FAM9A: variants seen among roughly 807,000 people sequenced by gnomAD.
The protein encoded by FAM9A is family with sequence similarity 9 member A.
Under a neutral mutation model 25.0 loss-of-function variants are expected in FAM9A, and 49 were observed. That is an observed-to-expected ratio of 1.96 (90% CI 1.56 to 2.48). The LOEUF is 2.48. FAM9A is among the 30% of genes most tolerant of loss of function. The pLI, the probability that FAM9A is intolerant of heterozygous loss-of-function variation, is 0.00. For synonymous variants in FAM9A, 80 were observed against 85.1 expected, an observed-to-expected ratio of 0.94 and a Z score of 0.33; for missense variants, 266 against 249.3, an observed-to-expected ratio of 1.07 and a Z score of -0.45.
At chrX:8,797,897 C>T (rs1379165800) in intron 5 of FAM9A, among the ~76,000 whole-genome samples, 1 of 111,955 alleles carries the variant, frequency 8.9e-6, no homozygotes, top group African/African-American at 3.2e-5. Flanking sequence ...ATTAAATTTC[C>T]ATGTGTATGA....
chrX:8,799,024 C>G lies in FAM9A; in HGVS notation c.162G>C (p.Lys54Asn). ...MEPVGRKRSR[K>N]AAKAQLEAQV... ...GAGCTTCCAACTGAGCTTTGGCAGC[C>G]TTCCTGCTGCGCTTCCTGCCCACGG... Residue 54 changes from lysine to asparagine, a missense_variant, in exon 3 of 10, where the codon AAG becomes AAC. By Grantham distance (94) the Lys-to-Asn change is moderately conservative. Coordinates refer to ENST00000381003, the MANE Select transcript of FAM9A (RefSeq NM_174951.3). 3.3e-6 allele frequency: 4 copies of G among 1,212,594 alleles called. No individual in the cohort carries two copies. Among genetic ancestry groups the G allele is most frequent in the Non-Finnish European group, 4.5e-6 (4 of 895,679 alleles).
At position 8,800,163 on chromosome X, in the gene FAM9A, G is replaced by T. The variant is rs770722877; in HGVS notation, c.9C>A (p.Pro3=). ME[P]VGRKRSRKAA... is the part of the protein sequence containing the mutation. ...CCTTCCTGCTGCGCTTCCTGCCCAC[G>T]GGCTCCATGGTTGGCTGTCCTGGGA... The change falls in exon 2 of 10, where the codon CCC becomes CCA. Residue 3 remains proline, a synonymous_variant. Transcript: ENST00000381003. 140 of 1,205,916 alleles carry T rather than the reference G, an allele frequency of 1.2e-4. No individual in the cohort carries two copies. Among genetic ancestry groups the T allele is most frequent in the Non-Finnish European group, 1.3e-4 (120 of 893,245 alleles).
In FAM9A at chrX:8,799,097, G is replaced by T. The variant is rs747588079; in HGVS notation, c.92-3C>A. 1 of 1,203,944 alleles carries T rather than the reference G, an allele frequency of 8.3e-7. No individual in the cohort carries two copies. Among genetic ancestry groups the T allele is most frequent in the South Asian group, 1.8e-5 (1 of 56,091 alleles). On this transcript the variant is annotated splice_polypyrimidine_tract_variant and splice_region_variant and intron_variant, in intron 2 of 9. Coordinates refer to ENST00000381003, the MANE Select transcript of FAM9A (RefSeq NM_174951.3). ...GAAGTTAGAGGCGATCCCTGAACCT[G>T]GTTGAGTGCAAAGTCAAACTAAGTA...
intron 5 of FAM9A, among the ~76,000 whole-genome samples, chrX:8,797,812 A>G (rs1250734015): frequency 9.0e-6 from 1 of 111,488 alleles, no homozygotes; most frequent in Admixed American, 9.6e-5. Context: ...CCTGATATAT[A>G]TACTTAATCT....
chrX:8,794,333 G>A (rs1933501688), intron 7 of FAM9A, among the ~76,000 whole-genome samples: 1 of 111,563 alleles, frequency 9.0e-6, no homozygotes, highest in African/African-American at 3.3e-5. Context: ...GCAATCATGG[G>A]TCAGATCACA....
chrX:8,797,978 G>T (rs144946028), intron 5 of FAM9A, among the ~76,000 whole-genome samples, 172 bp downstream of exon 5: 54 of 111,425 alleles, frequency 4.8e-4, no homozygotes, highest in African/African-American at 1.6e-3. Flanking sequence ...AATCCAAAAG[G>T]TAAGTATGAA....
chrX:8,794,495 G>A (rs1257370530), intron 7 of FAM9A, among the ~76,000 whole-genome samples: 3 of 111,303 alleles, frequency 2.7e-5, no homozygotes, highest in African/African-American at 9.8e-5. Context: ...GCTAGCAATC[G>A]TCAAGCTGGA....
chrX:8,791,167 CAAAAG>C lies in FAM9A; in HGVS notation c.*32_*36del. The C allele has an allele frequency of 2.1e-6, 1 of 477,577 alleles. No homozygotes were observed. Among genetic ancestry groups the C allele is most frequent in the Non-Finnish European group, 3.4e-6 (1 of 295,532 alleles). The allele number at this position is 477,577 out of a possible 1,213,427, so 39.4% of individuals were successfully genotyped here. ...AGAGACAATGAAGTGCCAACTCTTC[CAAAAG>C]CTGTTTCAAAAAAAAATTTAAGTAA... On this transcript the variant is annotated splice_region_variant and 3_prime_UTR_variant, in exon 10 of 10. Coordinates refer to ENST00000381003, the MANE Select transcript of FAM9A (RefSeq NM_174951.3).
rs148243105 is a variant in FAM9A, at chrX:8,798,900, C to A, written c.220+66G>T. 6,593 of 1,200,822 alleles carry A rather than the reference C, an allele frequency of 5.5e-3. 237 individuals are homozygous for A. The African/African-American group carries it at 0.1, about 18-fold the overall frequency. On this transcript the variant is annotated intron_variant, in intron 3 of 9. Transcript: ENST00000381003. ...TCGGGCTGCCCATGTGCCTCCCGCG[C>A]AAAGAGCAGACAGACCGTCCTCTTG...
chrX:8,798,946 G>C lies in FAM9A; in HGVS notation c.220+20C>G. 8.3e-7 allele frequency: 1 copy of C among 1,211,910 alleles called. No individual in the cohort carries two copies. The highest frequency in any genetic ancestry group is 2.3e-4 in the Middle Eastern group (1 of 4,351). On this transcript the variant is annotated intron_variant, in intron 3 of 9. Transcript: ENST00000381003. ...TCTTGGGCGTGCACCTTCTTTTCTGGCCCCTTGGGCTGTGTTTACCTGTGT... is the reference window on the plus strand; with the variant it reads ...TCTTGGGCGTGCACCTTCTTTTCTGCCCCCTTGGGCTGTGTTTACCTGTGT...
chrX:8,793,283 C>T (rs1418762378), intron 8 of FAM9A, among the ~76,000 whole-genome samples: 3 of 112,018 alleles, frequency 2.7e-5, no homozygotes, highest in Non-Finnish European at 5.6e-5. Context: ...TATTGGAACG[C>T]TAAGCTTGTG....
rs1933465779 is a variant in FAM9A at position 8,791,156 on chromosome X, G to A, written c.*48C>T. 2.3e-6 allele frequency: 1 copy of A among 435,622 alleles called. No individual in the cohort carries two copies. Among genetic ancestry groups the A allele is most frequent in the African/African-American group, 2.5e-5 (1 of 40,774 alleles). 35.9% of individuals were successfully genotyped at this position (435,622 alleles called of 1,213,427 possible). A position where few individuals can be genotyped will look rare whatever the true frequency, so the allele number is the denominator to read the frequency against. On this transcript the variant is annotated 3_prime_UTR_variant, in exon 10 of 10. Transcript: ENST00000381003. Reference sequence around the variant, plus strand: ...ACAGAGGTTGAAGAGACAATGAAGTGCCAACTCTTCCAAAAGCTGTTTCAA... The same window carrying A: ...ACAGAGGTTGAAGAGACAATGAAGTACCAACTCTTCCAAAAGCTGTTTCAA...
rs772513481 is a variant in FAM9A at position 8,798,392 on chromosome X, CT to C, written c.307del (p.Arg103GlufsTer16). The C allele has an allele frequency of 8.3e-7, 1 of 1,211,864 alleles. No individual in the cohort carries two copies. The highest frequency in any genetic ancestry group is 1.1e-6 in the Non-Finnish European group (1 of 895,602). On this transcript the variant is annotated frameshift_variant, in exon 4 of 10. Coordinates refer to ENST00000381003, the MANE Select transcript of FAM9A (RefSeq NM_174951.3). LOFTEE classifies it high-confidence loss of function. ...EEDVTDEHGE[R>X]EPFAEKDEHT... ...TTCATCTTTTTCAGCAAAAGGTTCTCTTTCCCCATGCTCATCAGTTACATCT... is the reference window on the plus strand; with the variant it reads ...TTCATCTTTTTCAGCAAAAGGTTCTCTTCCCCATGCTCATCAGTTACATCT...
intron 2 of FAM9A, 21 bp downstream of exon 2, chrX:8,800,060 A>G: frequency 8.3e-7 from 1 of 1,205,879 alleles, no homozygotes; most frequent in Non-Finnish European, 1.1e-6. Context: ...GAGCAAACAG[A>G]CCATCTCCTT....
intron 5 of FAM9A, among the ~76,000 whole-genome samples, chrX:8,796,842 T>A (rs1468100214): frequency 8.9e-6 from 1 of 112,275 alleles, no homozygotes; most frequent in African/African-American, 3.2e-5. Context: ...GAGCATTTTT[T>A]AAGCAATCTG....
chrX:8,799,867 T>C (rs1933584113), intron 2 of FAM9A, among the ~76,000 whole-genome samples: 1 of 67,520 alleles, frequency 1.5e-5, no homozygotes, highest in African/African-American at 6.0e-5. Context: ...TGTCTCCAGC[T>C]CCCTCCCTGC....
intron 5 of FAM9A, 104 bp downstream of exon 5, chrX:8,798,046 G>T: frequency 1.3e-6 from 1 of 744,044 alleles, no homozygotes; most frequent in Non-Finnish European, 2.0e-6. Context: ...TGAGAAGAAG[G>T]CATGTTAAGA....
chrX:8,800,825 C>G (rs1933599802), intron 1 of FAM9A, among the ~76,000 whole-genome samples: 1 of 74,403 alleles, frequency 1.3e-5, no homozygotes, highest in Non-Finnish European at 2.6e-5. Flanking sequence ...GCCACTTCCC[C>G]GACCCTCCAC....
Position 8,791,004 on chromosome X carries a change from A to G in FAM9A, c.*200T>C. 1 of 198,294 alleles carries G rather than the reference A, an allele frequency of 5.0e-6. No homozygotes were observed. The highest frequency in any genetic ancestry group is 9.2e-6 in the Non-Finnish European group (1 of 108,195). 16.3% of individuals were successfully genotyped at this position (198,294 alleles called of 1,213,427 possible). On this transcript the variant is annotated 3_prime_UTR_variant, in exon 10 of 10. Transcript: ENST00000381003. The stretch of plus-strand genomic sequence containing the variant: ...AAACGAGGTCTGGCATTTAACAGAC[A>G]AGTGACAGAGGAGCTATACCGATTT...
Sources: allele counts gnomAD v4.1 joint callset (sites outside exome capture counted in the v4.1 genomes callset), GRCh38; gene constraint gnomAD v4.1.1; transcripts MANE v1.5; gene names NCBI Gene and HGNC (gene_info 2026-07-23, HGNC 2026-07-21).